Variants in COL25A1 observed in about 807,000 individuals in gnomAD.
COL25A1 encodes the protein collagen type XXV alpha 1 chain.
In COL25A1, 103 loss-of-function variants were observed where a neutral mutation model predicts 128.4. The observed-to-expected ratio is 0.80, with a 90% CI of 0.68 to 0.94. COL25A1 has a LOEUF of 0.94. Among genes scored for constraint, COL25A1 ranks in the 40% least tolerant of loss-of-function variants. The pLI is 0.00. For missense variants in COL25A1, 745 were observed against 840.0 expected (o/e 0.89, Z 1.40); for synonymous variants, 279 against 277.2 (o/e 1.01, Z -0.06).
intron 11 of COL25A1, among the ~76,000 whole-genome samples, chr4:108,936,800 A>AATATATATAT (rs138668509): frequency 0.017 from 2,321 of 134,640 alleles, 34 homozygotes; most frequent in East Asian, 0.044. Flanking sequence ...CTGTTTCTTA[A>AATATATATAT]ATATATATAT....
At chr4:109,041,931 G>A (rs1020810318) in intron 5 of COL25A1, among the ~76,000 whole-genome samples, 1 of 152,034 alleles carries the variant, frequency 6.6e-6, no homozygotes, top group Non-Finnish European at 1.5e-5. Flanking sequence ...ATATCTTAAG[G>A]TCCGTCTGTT....
At chr4:108,930,685 G>C (rs181868737) in intron 11 of COL25A1, among the ~76,000 whole-genome samples, 2 of 152,166 alleles carry the variant, frequency 1.3e-5, no homozygotes, top group Non-Finnish European at 2.9e-5. Flanking sequence ...AGCTCTCCTC[G>C]TGCCACCACA....
At chr4:109,155,635 T>C (rs1771957583) in intron 3 of COL25A1, among the ~76,000 whole-genome samples, 1 of 152,216 alleles carries the variant, frequency 6.6e-6, no homozygotes, top group African/African-American at 2.4e-5. Context: ...TATCCTGTCA[T>C]AGCTAATCAA....
At chr4:109,164,483 G>A (rs1484337522) in intron 3 of COL25A1, among the ~76,000 whole-genome samples, 2 of 152,126 alleles carry the variant, frequency 1.3e-5, no homozygotes, top group Non-Finnish European at 2.9e-5. Context: ...TTGGTTGGTT[G>A]ACTGGTTGGT....
intron 8 of COL25A1, among the ~76,000 whole-genome samples, chr4:108,952,831 CTTTTTT>C (rs59761040): frequency 7.0e-4 from 47 of 66,990 alleles, no homozygotes; most frequent in African/African-American, 2.1e-3. Flanking sequence ...AAAAACTCAA[CTTTTTT>C]TTTTTTTTTT....
At chr4:109,012,952 G>C (rs1047843805) in intron 5 of COL25A1, among the ~76,000 whole-genome samples, 1 of 152,234 alleles carries the variant, frequency 6.6e-6, no homozygotes, top group Admixed American at 6.5e-5. Context: ...GTGGGAACTT[G>C]GAGAACTTTT....
At chr4:109,295,132 C>A (rs1003520213) in intron 3 of COL25A1, among the ~76,000 whole-genome samples, 1 of 151,888 alleles carries the variant, frequency 6.6e-6, no homozygotes, top group Non-Finnish European at 1.5e-5. Flanking sequence ...TAATTCCCAG[C>A]TCATGAAAAA....
intron 3 of COL25A1, among the ~76,000 whole-genome samples, chr4:109,257,160 T>C (rs962214204): frequency 6.6e-6 from 1 of 152,220 alleles, no homozygotes; most frequent in Non-Finnish European, 1.5e-5. Flanking sequence ...AATTTCTAGA[T>C]ATGTAAGGGG....
chr4:108,999,027 A>G (rs565904186), intron 6 of COL25A1, among the ~76,000 whole-genome samples: 383 of 152,244 alleles, frequency 2.5e-3, no homozygotes, highest in African/African-American at 8.8e-3. Flanking sequence ...AGAAAACCTA[A>G]GCAATACCAT....
rs1329321479 is a variant in COL25A1, at chr4:108,862,535, C to G, written c.1163G>C (p.Gly388Ala). ...CTTTGGGCCTCTAGTTCCTGATTCA[C>G]CTTGTTTCCCCTATTACAGCAGAAT... ...PGAPGPKGKQ[G>A]ESGTRGPKGS... Residue 388 changes from glycine (G) to alanine (A), a missense_variant, in exon 22 of 38, where the codon GGT becomes GCT. Gly to Ala is a moderately conservative substitution (Grantham distance 60). Transcript: ENST00000399132. 2 of 1,611,352 alleles carry G rather than the reference C, an allele frequency of 1.2e-6. No homozygotes were observed. Among genetic ancestry groups the G allele is most frequent in the Admixed American group, 3.3e-5 (2 of 59,984 alleles).
intron 13 of COL25A1, among the ~76,000 whole-genome samples, chr4:108,904,323 C>T (rs1388641836): frequency 6.6e-6 from 1 of 152,050 alleles, no homozygotes; most frequent in Non-Finnish European, 1.5e-5. Flanking sequence ...TATACATATA[C>T]ACATATACAT....
At chr4:109,205,669 C>G (rs1359388939) in intron 3 of COL25A1, among the ~76,000 whole-genome samples, 2 of 152,080 alleles carry the variant, frequency 1.3e-5, no homozygotes, top group African/African-American at 4.8e-5. Flanking sequence ...AAACTTCTAT[C>G]TTGATTGTCA....
intron 3 of COL25A1, among the ~76,000 whole-genome samples, chr4:109,165,421 A>C (rs1772979424): frequency 1.3e-5 from 2 of 152,236 alleles, no homozygotes; most frequent in South Asian, 4.1e-4. Flanking sequence ...CCATTGTTTA[A>C]AAAATAATGA....
In COL25A1 at chr4:108,811,506, T is replaced by C. The variant is rs528269665; in HGVS notation, c.*2421A>G. 6 of 152,064 alleles carry C rather than the reference T, an allele frequency of 3.9e-5. No individual in the cohort carries two copies. The highest frequency in any genetic ancestry group is 4.8e-5 in the African/African-American group (2 of 41,444). 9.4% of individuals were successfully genotyped at this position (152,064 alleles called of 1,614,324 possible). A position where few individuals can be genotyped will look rare whatever the true frequency, so the allele number is the denominator to read the frequency against. On this transcript the variant is annotated 3_prime_UTR_variant, in exon 38 of 38. Transcript: ENST00000399132. ...AAGCTGTGCAAGTTTTAAATAGTGA[T>C]CCATTTCAATCCACCTCTTTCTACT...
At chr4:108,935,184 A>G (rs1747256670) in intron 11 of COL25A1, among the ~76,000 whole-genome samples, 1 of 152,182 alleles carries the variant, frequency 6.6e-6, no homozygotes, top group African/African-American at 2.4e-5. Context: ...AGATGATCTC[A>G]CAAATATAAT....
chr4:108,877,687 C>T (rs1342071273), intron 19 of COL25A1, among the ~76,000 whole-genome samples: 1 of 151,152 alleles, frequency 6.6e-6, no homozygotes, highest in Non-Finnish European at 1.5e-5. Context: ...AACACATGAA[C>T]AACTACCATC....
rs143619049 is a variant in COL25A1 at position 108,853,550 on chromosome 4, A to C, written c.1321-625T>G. Among the ~76,000 whole-genome samples, 149 of 152,160 alleles carry C rather than the reference A, an allele frequency of 9.8e-4. 1 individual carries two copies. The highest frequency in any genetic ancestry group is 3.3e-3 in the African/African-American group (139 of 41,528). ...TGATTTATTATACTTAAGTTCTGGGATACATGTGCAGAATGTGCACATTTG... is the reference window on the plus strand; with the variant it reads ...TGATTTATTATACTTAAGTTCTGGGCTACATGTGCAGAATGTGCACATTTG... On this transcript the variant is annotated intron_variant, in intron 24 of 37. Transcript: ENST00000399132.
At chr4:109,286,175 T>C (rs1032750042) in intron 3 of COL25A1, among the ~76,000 whole-genome samples, 6 of 152,326 alleles carry the variant, frequency 3.9e-5, no homozygotes, top group African/African-American at 1.4e-4. Context: ...TGCAACAAAC[T>C]ACAGCAATAG....
chr4:109,211,686 A>G (rs541369261), intron 3 of COL25A1, among the ~76,000 whole-genome samples: 72 of 152,138 alleles, frequency 4.7e-4, no homozygotes, highest in Non-Finnish European at 8.5e-4. Flanking sequence ...CCTATGAAAG[A>G]TTTTAGAGAC....
Sources: allele counts gnomAD v4.1 joint callset (sites outside exome capture counted in the v4.1 genomes callset), GRCh38; gene constraint gnomAD v4.1.1; transcripts MANE v1.5; gene names NCBI Gene and HGNC (gene_info 2026-07-23, HGNC 2026-07-21).